The following UBE2E1 variants were observed in gnomAD, a reference collection of about 807,000 sequenced individuals.
The protein encoded by UBE2E1 is ubiquitin conjugating enzyme E2 E1, also known as ubiquitin-conjugating enzyme E2 E1.
Under a neutral mutation model 21.4 loss-of-function variants are expected in UBE2E1, and 6 were observed. That is an observed-to-expected ratio of 0.28 (90% confidence interval 0.15 to 0.55). The LOEUF is 0.55. Among genes scored for constraint, UBE2E1 ranks in the 20% least tolerant of loss-of-function variants. The probability of loss-of-function intolerance (pLI) is 0.93; values close to 1 mark genes in which losing one functional copy is unlikely to be tolerated. For missense variants in UBE2E1, 142 were observed against 236.5 expected (o/e 0.60, Z 2.62); for synonymous variants, 87 against 82.7 (o/e 1.05, Z -0.28).
Position 23,890,761 on chromosome 3 carries a change from A to G in UBE2E1, c.*155A>G, listed in dbSNP as rs1575051897. 4.8e-6 allele frequency: 3 copies of G among 626,432 alleles called. No individual in the cohort carries two copies. The East Asian group carries it at 9.8e-5, about 20-fold the overall frequency. The allele number at this position is 626,432 out of a possible 1,614,324, so 38.8% of individuals were successfully genotyped here. A position where few individuals can be genotyped will look rare whatever the true frequency, so the allele number is the denominator to read the frequency against. On this transcript the variant is annotated 3_prime_UTR_variant, in exon 6 of 6. Coordinates refer to ENST00000306627, the MANE Select transcript of UBE2E1 (RefSeq NM_003341.5). ...ATTTCCTAAGATTTTGTTGTAACTT[A>G]AGGTATCTTGCTACAGTAGACAGAA...
intron 3 of UBE2E1, among the ~76,000 whole-genome samples, chr3:23,851,199 C>T (rs1028093474): frequency 2.6e-5 from 4 of 152,130 alleles, no homozygotes; most frequent in Non-Finnish European, 4.4e-5. Context: ...ATCAATTTAC[C>T]TGTAAATGTA....
chr3:23,865,814 C>G (rs1700643833), intron 3 of UBE2E1, among the ~76,000 whole-genome samples: 2 of 152,178 alleles, frequency 1.3e-5, no homozygotes, highest in African/African-American at 4.8e-5. Context: ...TCGTGCCTGA[C>G]CAGTGGCCAC....
chr3:23,865,165 G>T (rs1289581745), intron 3 of UBE2E1, among the ~76,000 whole-genome samples: 1 of 152,146 alleles, frequency 6.6e-6, no homozygotes, highest in East Asian at 1.9e-4. Context: ...CAGCTGGCCT[G>T]TGTCCTCATC....
Position 23,842,250 on chromosome 3 carries a change from G to GTGTGTGTGTGTGTGTGTGGTGGTGT in UBE2E1, c.203+30743_203+30744insGTGTGTGTGTGTGTGGTGGTGTTGT, listed in dbSNP as rs1553637746. Among the ~76,000 whole-genome samples the GTGTGTGTGTGTGTGTGTGGTGGTGT allele has an allele frequency of 1.2e-5, 1 of 86,288 alleles. No homozygotes were observed. Among genetic ancestry groups the GTGTGTGTGTGTGTGTGTGGTGGTGT allele is most frequent in the South Asian group, 4.4e-4 (1 of 2,276 alleles). The allele number at this position is 86,288 out of a possible 152,430, so 56.6% of individuals were successfully genotyped here. A position where few individuals can be genotyped will look rare whatever the true frequency, so the allele number is the denominator to read the frequency against. ...GTGTGTGTGTGTGTGTGTGTGTGTG[G>GTGTGTGTGTGTGTGTGTGGTGGTGT]TGTTGTTGTTGTTGGCGACAGGGTC... On this transcript the variant is annotated intron_variant, in intron 3 of 5. Coordinates refer to ENST00000306627, the MANE Select transcript of UBE2E1 (RefSeq NM_003341.5). This position sits in a 1 kb window ranked among gnomAD's most constrained non-coding sequence, Gnocchi z 4.6.
rs1041882768 is a variant in UBE2E1 at position 23,810,743 on chromosome 3, C to T, written c.153-717C>T. ...GCGCGGAGCAGCCCCCGTGCGGGCA[C>T]CCTGTTCCCCTCCCCCGCCCGCAAC... On this transcript the variant is annotated intron_variant, in intron 2 of 5. Transcript: ENST00000306627. The surrounding 1 kb of genome is among the most constrained non-coding windows in gnomAD (Gnocchi z 5.8). 20 of 321,092 alleles carry T rather than the reference C, an allele frequency of 6.2e-5. No individual in the cohort carries two copies. Among genetic ancestry groups the T allele is most frequent in the Non-Finnish European group, 1.1e-4 (20 of 178,466 alleles). The allele number at this position is 321,092 out of a possible 1,614,324, so 19.9% of individuals were successfully genotyped here.
chr3:23,840,651 C>T lies in UBE2E1; in HGVS notation c.203+29141C>T, dbSNP rs76983971. On this transcript the variant is annotated intron_variant, in intron 3 of 5. Coordinates refer to ENST00000306627, the MANE Select transcript of UBE2E1 (RefSeq NM_003341.5). ...AATGCAAACTATTCTCAGCCCTGTG[C>T]GAGCTCTGGGGAGTGTTCTCTCTGT... Among the ~76,000 whole-genome samples, 27 of 152,304 alleles carry T rather than the reference C, an allele frequency of 1.8e-4. No homozygotes were observed. The East Asian group carries it at 4.6e-3, about 26-fold the overall frequency.
intron 3 of UBE2E1, among the ~76,000 whole-genome samples, chr3:23,883,476 C>T (rs369280875): frequency 6.6e-6 from 1 of 152,168 alleles, no homozygotes; most frequent in African/African-American, 2.4e-5. Context: ...CCAGCAGATC[C>T]TAACTTTTCC....
chr3:23,878,571 G>C (rs553827790), intron 3 of UBE2E1, among the ~76,000 whole-genome samples: 1 of 152,176 alleles, frequency 6.6e-6, no homozygotes, highest in Non-Finnish European at 1.5e-5. Context: ...TACAGCCACT[G>C]CCCATGGCTT....
intron 3 of UBE2E1, among the ~76,000 whole-genome samples, chr3:23,822,905 G>GGTTCACTGTTACCT (rs1407094280): frequency 7.4e-5 from 11 of 147,724 alleles, no homozygotes; most frequent in African/African-American, 2.8e-4. Context: ...GGAGTGCAGT[G>GGTTCACTGTTACCT]GTGCCTTCTT....
At chr3:23,888,585 G>A (rs1701254694) in intron 4 of UBE2E1, among the ~76,000 whole-genome samples, 1 of 152,138 alleles carries the variant, frequency 6.6e-6, no homozygotes, top group South Asian at 2.1e-4. Flanking sequence ...CTGTGATGTA[G>A]GTAGACAGGA....
intron 3 of UBE2E1, among the ~76,000 whole-genome samples, chr3:23,869,645 T>C (rs562701735): frequency 6.0e-5 from 9 of 149,598 alleles, no homozygotes; most frequent in East Asian, 3.9e-4. Context: ...TCCCAGCACT[T>C]TGGGAGGCTG....
intron 3 of UBE2E1, chr3:23,878,874 A>G: frequency 3.0e-6 from 1 of 330,128 alleles, no homozygotes; most frequent in Non-Finnish European, 5.9e-6. Flanking sequence ...AGAGTGCACA[A>G]TAAATACAAT....
intron 3 of UBE2E1, among the ~76,000 whole-genome samples, chr3:23,818,644 CGT>C (rs1320109697): frequency 1.3e-5 from 2 of 152,156 alleles, no homozygotes; most frequent in Non-Finnish European, 2.9e-5. Flanking sequence ...TTGATGCTTC[CGT>C]GTGTTTAGCT....
At chr3:23,885,793 G>C (rs1461737561) in intron 3 of UBE2E1, among the ~76,000 whole-genome samples, 1 of 152,152 alleles carries the variant, frequency 6.6e-6, no homozygotes, top group Non-Finnish European at 1.5e-5. Context: ...CCGGGAGGCG[G>C]AGGTTGCATT....
chr3:23,809,797 G>A (rs1699346907), intron 2 of UBE2E1, among the ~76,000 whole-genome samples: 1 of 152,030 alleles, frequency 6.6e-6, no homozygotes, highest in African/African-American at 2.4e-5. Context: ...TATTTGAAAA[G>A]ATTCAGGTAA....
chr3:23,867,269 C>T (rs1310198825), intron 3 of UBE2E1, among the ~76,000 whole-genome samples: 1 of 152,144 alleles, frequency 6.6e-6, no homozygotes, highest in Non-Finnish European at 1.5e-5. Flanking sequence ...ATATATTTCT[C>T]TGCAATTGTG....
intron 3 of UBE2E1, among the ~76,000 whole-genome samples, chr3:23,845,585 C>CTGTGTGTGTGTGTGTGTGTGTGTGTGTG (rs71620797): frequency 1.3e-4 from 13 of 98,060 alleles, no homozygotes; most frequent in South Asian, 4.2e-4. Flanking sequence ...CTCTCTCTCT[C>CTGTGTGTGTGTGTGTGTGTGTGTGTGTG]TCTCTGTGTG....
rs1700915269 is a variant in UBE2E1 at position 23,876,431 on chromosome 3, C to T, written c.204-11136C>T. 6.6e-6 allele frequency among the ~76,000 whole-genome samples: 1 copy of T among 152,152 alleles called. No individual in the cohort carries two copies. The highest frequency in any genetic ancestry group is 2.4e-5 in the African/African-American group (1 of 41,430). On this transcript the variant is annotated intron_variant, in intron 3 of 5. Transcript: ENST00000306627. This position sits in a 1 kb window ranked among gnomAD's most constrained non-coding sequence, Gnocchi z 4.3. Reference sequence around the variant, plus strand: ...GAGGGTAAGAATGTACCAAGTAGATCTCATGGAGAAGGCAGCTTTCACCCA... The same window carrying T: ...GAGGGTAAGAATGTACCAAGTAGATTTCATGGAGAAGGCAGCTTTCACCCA...
chr3:23,855,686 T>C (rs572708762), intron 3 of UBE2E1, among the ~76,000 whole-genome samples: 10 of 151,760 alleles, frequency 6.6e-5, no homozygotes, highest in Non-Finnish European at 1.3e-4. Context: ...AAAAATTAGC[T>C]GGGCGTGGTG....
Sources: allele counts gnomAD v4.1 joint callset (sites outside exome capture counted in the v4.1 genomes callset), GRCh38; gene constraint gnomAD v4.1.1; non-coding constraint Gnocchi (gnomAD v3.1); transcripts MANE v1.5; gene names NCBI Gene and HGNC (gene_info 2026-07-23, HGNC 2026-07-21).